The following RASA4 variants were observed in gnomAD, a reference collection of about 807,000 sequenced individuals.
RASA4 encodes the protein ras GTPase-activating protein 4.
A neutral mutation model predicts 24.0 loss-of-function variants in RASA4; 5 were observed. That is an observed-to-expected ratio of 0.21 (90% CI 0.11 to 0.44). The LOEUF (loss-of-function observed/expected upper bound fraction) is 0.44, where lower values mean the gene tolerates loss of function less well. Ranked by LOEUF, RASA4 falls within the 20% of genes least tolerant of loss-of-function variation. The probability of loss-of-function intolerance (pLI) is 0.99; values close to 1 mark genes in which losing one functional copy is unlikely to be tolerated. For synonymous variants in RASA4, 9 were observed against 132.7 expected, an observed-to-expected ratio of 0.07 and a Z score of 6.41; for missense variants, 38 against 293.0, an observed-to-expected ratio of 0.13 and a Z score of 6.35.
intron 8 of RASA4, among the ~76,000 whole-genome samples, chr7:102,599,606 C>T (rs1187583021): frequency 7.0e-6 from 1 of 143,710 alleles, no homozygotes; most frequent in Non-Finnish European, 1.6e-5. Flanking sequence ...CATTGCACTC[C>T]AGCCTGGGGA....
At chr7:102,594,891 GGGT>G (rs1562794826) in intron 11 of RASA4, among the ~76,000 whole-genome samples, 1 of 53,854 alleles carries the variant, frequency 1.9e-5, no homozygotes, top group Non-Finnish European at 5.9e-5. Context: ...TGGGGGGGGG[GGGT>G]GCGGGGCACG....
intron 8 of RASA4, 141 bp downstream of exon 8, chr7:102,599,719 A>T: frequency 3.7e-6 from 1 of 269,636 alleles, no homozygotes; most frequent in East Asian, 7.3e-5. Context: ...CTAGGTGGGC[A>T]GGGGCTGAGG....
intron 8 of RASA4, among the ~76,000 whole-genome samples, chr7:102,597,598 G>C (rs1790273954): frequency 8.2e-6 from 1 of 122,334 alleles, no homozygotes; most frequent in South Asian, 3.6e-4. Context: ...GGTAATTTTT[G>C]TATTTTTAGT....
chr7:102,591,837 A>ATTT (rs59364433), intron 16 of RASA4, among the ~76,000 whole-genome samples: 1 of 122,934 alleles, frequency 8.1e-6, no homozygotes, highest in East Asian at 2.2e-4. Flanking sequence ...CTCCATATTC[A>ATTT]TTTTTTTTTT....
At chr7:102,587,101 AACAAC>A (rs1789794096) in intron 18 of RASA4, among the ~76,000 whole-genome samples, 16 of 10,722 alleles carry the variant, frequency 1.5e-3, no homozygotes, top group African/African-American at 2.9e-3. Flanking sequence ...AGTATCAAAC[AACAAC>A]AACAACAACA....
Position 102,581,045 on chromosome 7 carries a change from A to C in RASA4, c.*1726T>G, listed in dbSNP as rs1789672977. 1.3e-5 allele frequency: 2 copies of C among 148,776 alleles called. No individual in the cohort carries two copies. Among genetic ancestry groups the C allele is most frequent in the Non-Finnish European group, 1.5e-5 (1 of 66,608 alleles). The allele number at this position is 148,776 out of a possible 1,614,324, so 9.2% of individuals were successfully genotyped here. A position where few individuals can be genotyped will look rare whatever the true frequency, so the allele number is the denominator to read the frequency against. On this transcript the variant is annotated 3_prime_UTR_variant, in exon 21 of 21. Coordinates refer to ENST00000262940, the MANE Select transcript of RASA4 (RefSeq NM_006989.6). ...TAGAGATAACAGGATAAAGGTGAGG[A>C]ATGAAGGAATGAATGGATGCAGGCA...
chr7:102,612,298 G>C (rs1790895653), intron 1 of RASA4, among the ~76,000 whole-genome samples: 2 of 148,046 alleles, frequency 1.4e-5, no homozygotes, highest in Non-Finnish European at 3.0e-5. Context: ...GTGTCCCCAG[G>C]GCCCCCACAG....
At chr7:102,603,896 C>T (rs1790489331) in intron 5 of RASA4, among the ~76,000 whole-genome samples, 2 of 150,298 alleles carry the variant, frequency 1.3e-5, no homozygotes, top group African/African-American at 4.9e-5. Flanking sequence ...GGTGCAGTGG[C>T]TCACGCCTGT....
At chr7:102,602,558 T>C (rs1790397131) in intron 5 of RASA4, among the ~76,000 whole-genome samples, 153 bp from the exon 6 acceptor site, 1 of 32,178 alleles carries the variant, frequency 3.1e-5, no homozygotes, top group Non-Finnish European at 5.8e-5. Flanking sequence ...CTCTGCCCTT[T>C]CTGGGCCCTG....
At chr7:102,591,823 C>T (rs1790010412) in intron 16 of RASA4, among the ~76,000 whole-genome samples, 1 of 146,036 alleles carries the variant, frequency 6.8e-6, no homozygotes, top group Non-Finnish European at 1.5e-5. Context: ...GTCGGATCAA[C>T]TTCCTCCATA....
intron 7 of RASA4, 148 bp from the exon 8 acceptor site, chr7:102,600,102 A>C (rs1283107642): frequency 5.4e-3 from 12 of 2,212 alleles, no homozygotes; most frequent in African/African-American, 0.024. Flanking sequence ...CAGACGGTGG[A>C]GGTGGGGGGG....
chr7:102,585,851 TTTTTTG>T (rs1267682727), intron 18 of RASA4, among the ~76,000 whole-genome samples: 1 of 146,602 alleles, frequency 6.8e-6, no homozygotes, highest in Non-Finnish European at 1.5e-5. Context: ...TTTTTTTTGT[TTTTTTG>T]TTTTTTTTTT....
chr7:102,579,869 TA>T lies in RASA4; in HGVS notation c.*2901del, dbSNP rs1801451835. On this transcript the variant is annotated 3_prime_UTR_variant, in exon 21 of 21. Coordinates refer to ENST00000262940, the MANE Select transcript of RASA4 (RefSeq NM_006989.6). ...TCCCAAATGCCTATATCATTTATCC[TA>T]AATATTCCATAAACATTCCACTATG... The T allele has an allele frequency of 5.1e-6, 1 of 197,586 alleles. No homozygotes were observed. Among genetic ancestry groups the T allele is most frequent in the Non-Finnish European group, 1.1e-5 (1 of 91,318 alleles). 12.2% of individuals were successfully genotyped at this position (197,586 alleles called of 1,614,324 possible). A position where few individuals can be genotyped will look rare whatever the true frequency, so the allele number is the denominator to read the frequency against.
chr7:102,604,093 G>A (rs1439617444), intron 5 of RASA4, among the ~76,000 whole-genome samples: 1 of 145,514 alleles, frequency 6.9e-6, no homozygotes, highest in Non-Finnish European at 1.5e-5. Context: ...GAACCCAGAA[G>A]GTGGAGGTTG....
chr7:102,580,928 G>T lies in RASA4; in HGVS notation c.*1843C>A. The T allele has an allele frequency of 7.8e-6, 1 of 128,846 alleles. No individual in the cohort carries two copies. Among genetic ancestry groups the T allele is most frequent in the Non-Finnish European group, 1.7e-5 (1 of 58,146 alleles). The allele number at this position is 128,846 out of a possible 1,614,324, so 8.0% of individuals were successfully genotyped here. A position where few individuals can be genotyped will look rare whatever the true frequency, so the allele number is the denominator to read the frequency against. On this transcript the variant is annotated 3_prime_UTR_variant, in exon 21 of 21. Coordinates refer to ENST00000262940, the MANE Select transcript of RASA4 (RefSeq NM_006989.6). ...TTAAACAACCTATTTGAGCTCTGAG[G>T]TAGATGTCTAAGTTCAAAGCCCACT...
At chr7:102,590,483 C>T (rs1789922243) in intron 16 of RASA4, among the ~76,000 whole-genome samples, 187 bp from the exon 17 acceptor site, 1 of 65,072 alleles carries the variant, frequency 1.5e-5, no homozygotes, top group Non-Finnish European at 2.9e-5. Flanking sequence ...GAGGACCTGG[C>T]CTCTCTGGGG....
At chr7:102,596,550 T>C (rs1457285491) in intron 8 of RASA4, among the ~76,000 whole-genome samples, 37 of 85,244 alleles carry the variant, frequency 4.3e-4, no homozygotes, top group African/African-American at 9.2e-4. Context: ...AGATTGAGCT[T>C]CCCAGCTTCC....
At chr7:102,603,992 G>A (rs1361984317) in intron 5 of RASA4, among the ~76,000 whole-genome samples, 3 of 150,090 alleles carry the variant, frequency 2.0e-5, no homozygotes, top group East Asian at 2.0e-4. Flanking sequence ...GTGAAGTCCC[G>A]TCTCTACTAA....
At chr7:102,612,357 C>CGAATGAATGAACTGATGAGT (rs1417387429) in intron 1 of RASA4, among the ~76,000 whole-genome samples, 1 of 147,118 alleles carries the variant, frequency 6.8e-6, no homozygotes, top group Non-Finnish European at 1.5e-5. Flanking sequence ...AATGAACAGA[C>CGAATGAATGAACTGATGAGT]GAATGAATGA....
Sources: allele counts gnomAD v4.1 joint callset (sites outside exome capture counted in the v4.1 genomes callset), GRCh38; gene constraint gnomAD v4.1.1; transcripts MANE v1.5; gene names NCBI Gene and HGNC (gene_info 2026-07-23, HGNC 2026-07-21).